Variants in MPDZ observed in about 807,000 individuals in gnomAD.
MPDZ encodes the protein multiple PDZ domain protein.
A neutral mutation model predicts 239.1 loss-of-function variants in MPDZ; 234 were observed. That is an observed-to-expected ratio of 0.98 (90% CI 0.88 to 1.09). The LOEUF is 1.09. Ranked by LOEUF, MPDZ falls within the 50% of genes least tolerant of loss-of-function variation. MPDZ has a pLI of 0.00. For synonymous variants in MPDZ, 1,048 were observed against 881.3 expected (o/e 1.19, Z -3.35); for missense variants, 3,175 against 2,510.0 (o/e 1.26, Z -5.66).
At chr9:13,223,205 A>G (rs967358517) in intron 5 of MPDZ, among the ~76,000 whole-genome samples, 3 of 152,082 alleles carry the variant, frequency 2.0e-5, no homozygotes, top group East Asian at 2.0e-4. Flanking sequence ...AGGGGCAACT[A>G]TATTAAATTA....
chr9:13,229,954 A>T (rs2136674393), intron 3 of MPDZ, among the ~76,000 whole-genome samples: 1 of 152,216 alleles, frequency 6.6e-6, no homozygotes, highest in Admixed American at 6.6e-5. Flanking sequence ...CTGACATATG[A>T]CTCATATCTA....
At chr9:13,229,577 T>TACACAC (rs139327129) in intron 3 of MPDZ, among the ~76,000 whole-genome samples, 27 of 136,162 alleles carry the variant, frequency 2.0e-4, no homozygotes, top group African/African-American at 6.2e-4. Flanking sequence ...ACACCACACT[T>TACACAC]ACACACACAC....
At position 13,105,819 on chromosome 9, in the gene MPDZ, G is replaced by C. The variant is rs1941392533; in HGVS notation, c.*1146C>G. On this transcript the variant is annotated 3_prime_UTR_variant, in exon 47 of 47. Transcript: ENST00000319217. ...TGTTACAAATATAGATATTTAAAGT[G>C]ACTTTATATATTCTAATGTAGGAGT... The C allele has an allele frequency of 6.6e-6, 1 of 152,150 alleles. No individual in the cohort carries two copies. Among genetic ancestry groups the C allele is most frequent in the African/African-American group, 2.4e-5 (1 of 41,442 alleles). 9.4% of individuals were successfully genotyped at this position (152,150 alleles called of 1,614,324 possible).
At chr9:13,176,077 C>T (rs1030888050) in intron 20 of MPDZ, 59 bp downstream of exon 20, 2 of 1,479,822 alleles carry the variant, frequency 1.4e-6, no homozygotes, top group Non-Finnish European at 1.8e-6. Flanking sequence ...GCCAGAATAA[C>T]CTTACTTCAC....
intron 1 of MPDZ, among the ~76,000 whole-genome samples, chr9:13,267,215 A>C (rs1269112277): frequency 3.3e-5 from 5 of 152,250 alleles, no homozygotes; most frequent in Non-Finnish European, 7.3e-5. Flanking sequence ...AGGCTACATA[A>C]GTAAATTTTT....
intron 3 of MPDZ, among the ~76,000 whole-genome samples, chr9:13,225,764 T>C (rs1307425373): frequency 4.6e-5 from 7 of 152,082 alleles, no homozygotes; most frequent in Non-Finnish European, 1.0e-4. Context: ...TACCCTACGA[T>C]GTTTGCACAA....
chr9:13,169,513 T>C (rs1951515101), intron 21 of MPDZ, among the ~76,000 whole-genome samples: 1 of 152,126 alleles, frequency 6.6e-6, no homozygotes, highest in African/African-American at 2.4e-5. Flanking sequence ...TTTACCTTTT[T>C]CCATTTAGAC....
At chr9:13,250,249 T>A (rs553502054) in intron 2 of MPDZ, 51 bp downstream of exon 2, 3 of 1,542,086 alleles carry the variant, frequency 1.9e-6, no homozygotes, top group South Asian at 1.2e-5. Flanking sequence ...AAAATCCCAA[T>A]GGGAGGAGTT....
intron 17 of MPDZ, among the ~76,000 whole-genome samples, chr9:13,187,889 G>A (rs1021965908): frequency 6.6e-6 from 1 of 152,116 alleles, no homozygotes; most frequent in Non-Finnish European, 1.5e-5. Context: ...ACTGCTTTAT[G>A]TAGCACGGAT....
chr9:13,269,189 G>T (rs1418777622), intron 1 of MPDZ, among the ~76,000 whole-genome samples: 1 of 152,118 alleles, frequency 6.6e-6, no homozygotes, highest in East Asian at 1.9e-4. Context: ...CTCTCCCAGT[G>T]ATTTTAATCT....
chr9:13,146,512 T>C (rs1450661934), intron 26 of MPDZ, among the ~76,000 whole-genome samples: 1 of 152,062 alleles, frequency 6.6e-6, no homozygotes, highest in East Asian at 1.9e-4. Flanking sequence ...GCGTTCAACT[T>C]CCCTCACATA....
At position 13,119,664 on chromosome 9, in the gene MPDZ, G is replaced by T; in HGVS notation, c.5232-15C>A. ...CAGTATCGTTTCTACACACAATTTTGAATTTCAACATTATCTTTTGCTCAA... is the reference window on the plus strand; with the variant it reads ...CAGTATCGTTTCTACACACAATTTTTAATTTCAACATTATCTTTTGCTCAA... On this transcript the variant is annotated splice_polypyrimidine_tract_variant and intron_variant, in intron 38 of 46. Transcript: ENST00000319217. 1 of 1,613,612 alleles carries T rather than the reference G, an allele frequency of 6.2e-7. No homozygotes were observed. Among genetic ancestry groups the T allele is most frequent in the Non-Finnish European group, 8.5e-7 (1 of 1,179,748 alleles).
rs964480360 is a variant in MPDZ, at chr9:13,224,491, C to T, written c.276G>A (p.Ser92=). 15 of 1,612,632 alleles carry T rather than the reference C, an allele frequency of 9.3e-6. No individual in the cohort carries two copies. Among genetic ancestry groups the T allele is most frequent in the Admixed American group, 3.3e-5 (2 of 59,820 alleles). ...TCCCATTGTTTGGGGATAATAAAAA[C>T]GATTCATTTTGCAGAGTAGGAATCA... ...PAVIPTLQNE[S]FLLSPNNGNL... The change falls in exon 4 of 47, where the codon TCG becomes TCA. Residue 92 remains serine (S), a synonymous_variant. Coordinates refer to ENST00000319217, the MANE Select transcript of MPDZ (RefSeq NM_001378778.1).
At chr9:13,108,272 G>A (rs967586349) in intron 46 of MPDZ, among the ~76,000 whole-genome samples, 1 of 151,916 alleles carries the variant, frequency 6.6e-6, no homozygotes, top group Admixed American at 6.6e-5. Context: ...AATTACATGG[G>A]TTTAAATTAT....
At chr9:13,178,120 G>A (rs891455740) in intron 19 of MPDZ, among the ~76,000 whole-genome samples, 5 of 151,978 alleles carry the variant, frequency 3.3e-5, no homozygotes, top group Admixed American at 2.0e-4. Flanking sequence ...TTAGCCGGGC[G>A]TGGTGGCTGG....
At chr9:13,265,268 G>T (rs1042378634) in intron 1 of MPDZ, among the ~76,000 whole-genome samples, 2 of 152,154 alleles carry the variant, frequency 1.3e-5, no homozygotes. Context: ...AGCCCAGGTC[G>T]ACTGTGTCCT....
At chr9:13,113,701 A>G (rs2131242911) in intron 41 of MPDZ, among the ~76,000 whole-genome samples, 1 of 152,368 alleles carries the variant, frequency 6.6e-6, no homozygotes, top group South Asian at 2.1e-4. Flanking sequence ...AAAAAATTAC[A>G]GAATCCTGAT....
In MPDZ at chr9:13,216,758, T is replaced by C; in HGVS notation, c.1290+16A>G. On this transcript the variant is annotated intron_variant, in intron 10 of 46. Transcript: ENST00000319217. ...CCATGAAAATTAACAAAGCTATTGT[T>C]AAATGTGTAACTTACTGCTATAATT... 1 of 1,562,732 alleles carries C rather than the reference T, an allele frequency of 6.4e-7. No homozygotes were observed. The highest frequency in any genetic ancestry group is 1.1e-5 in the South Asian group (1 of 88,268).
chr9:13,219,767 T>C lies in MPDZ; in HGVS notation c.878A>G (p.His293Arg), dbSNP rs774366243. Residue 293 changes from histidine to arginine, a missense_variant and splice_region_variant, in exon 8 of 47, where the codon CAT becomes CGT. Physicochemically the swap from His to Arg is conservative, Grantham distance 29 (BLOSUM62 0). Coordinates refer to ENST00000319217, the MANE Select transcript of MPDZ (RefSeq NM_001378778.1). ...GTGGTCTCCACTGCATAAACGCCCA[T>C]GCTGAGTAAAACAATATTGAATAAT... is the stretch of plus-strand genomic sequence containing the variant. ...TILPGGVADQHGRLCSGDHIL... is the reference protein window; with the variant it reads ...TILPGGVADQRGRLCSGDHIL... 2.5e-6 allele frequency: 4 copies of C among 1,612,124 alleles called. No individual in the cohort carries two copies. In the South Asian group the frequency reaches 3.3e-5, roughly 13 times the overall value.
Sources: gnomAD v4.1 joint callset for allele counts (sites outside exome capture counted in the v4.1 genomes callset) on GRCh38, gnomAD v4.1.1 for gene constraint, MANE v1.5 for transcripts, NCBI Gene and HGNC (gene_info 2026-07-23, HGNC 2026-07-21) for gene names.